PCGF3: variants seen among roughly 807,000 people sequenced by gnomAD.
PCGF3 encodes the protein polycomb group ring finger 3.
PCGF3 carries 7 observed loss-of-function variants against 33.1 expected under a neutral mutation model. That is an observed-to-expected ratio of 0.21 (90% CI 0.12 to 0.40). PCGF3 has a LOEUF of 0.40. Among genes scored for constraint, PCGF3 ranks in the 10% least tolerant of loss-of-function variants. PCGF3 has a pLI of 1.00. For synonymous variants in PCGF3, 153 were observed against 121.3 expected, an observed-to-expected ratio of 1.26 and a Z score of -1.72; for missense variants, 211 against 313.3, an observed-to-expected ratio of 0.67 and a Z score of 2.46.
intron 6 of PCGF3, among the ~76,000 whole-genome samples, chr4:740,533 G>C (rs1402039125): frequency 6.6e-6 from 1 of 151,994 alleles, no homozygotes; most frequent in African/African-American, 2.4e-5. Flanking sequence ...TGAGGGCTGT[G>C]GGGCTCACGC....
At chr4:760,084 C>T (rs112290409) in intron 8 of PCGF3, among the ~76,000 whole-genome samples, 101 of 152,330 alleles carry the variant, frequency 6.6e-4, no homozygotes, top group Non-Finnish European at 1.2e-3. Flanking sequence ...GCTTTTTGCA[C>T]AGAATCCACT....
chr4:715,355 CTTGTAGACA>C (rs1742770401), intron 1 of PCGF3, among the ~76,000 whole-genome samples: 1 of 136,402 alleles, frequency 7.3e-6, no homozygotes, highest in Non-Finnish European at 1.6e-5. Flanking sequence ...GTGCTGGGAC[CTTGTAGACA>C]CTGTGAGTGT....
At chr4:728,555 T>G (rs1743423916) in intron 1 of PCGF3, among the ~76,000 whole-genome samples, 1 of 152,226 alleles carries the variant, frequency 6.6e-6, no homozygotes, top group African/African-American at 2.4e-5. Context: ...ACCTGTGGAT[T>G]TTGGTATCAG....
At chr4:733,744 G>T in exon 4 of PCGF3, 1 of 1,613,004 alleles carries the variant, frequency 6.2e-7, no homozygotes, top group Non-Finnish European at 8.5e-7. Flanking sequence ...CCTGTGCAGC[G>T]GGTACCTCAT....
exon 11 of PCGF3, chr4:766,308 G>T: frequency 2.1e-6 from 1 of 479,674 alleles, no homozygotes. Context: ...CCTCTCCCCC[G>T]CCCCACCCCG....
At chr4:756,104 G>A (rs940446200) in intron 8 of PCGF3, among the ~76,000 whole-genome samples, 3 of 151,590 alleles carry the variant, frequency 2.0e-5, no homozygotes, top group Admixed American at 6.6e-5. Context: ...TAGTAGAGAC[G>A]GGGTTTCTCC....
rs977596625 is a variant in PCGF3 at position 733,889 on chromosome 4, G to T, written c.109+100G>T. On this transcript the variant is annotated intron_variant, in intron 4 of 10. Transcript: ENST00000362003. ...GTGTTACCACACGCTTTTAGCTCAA[G>T]CCCGACAAAAGCAGGAACCAGGACC... is the stretch of plus-strand genomic sequence containing the variant. The T allele has an allele frequency of 2.5e-6, 4 of 1,596,596 alleles. No individual in the cohort carries two copies. The Admixed American group carries it at 7.1e-5, about 28-fold the overall frequency.
intron 1 of PCGF3, among the ~76,000 whole-genome samples, chr4:713,661 G>A (rs1036969892): frequency 6.6e-6 from 1 of 152,172 alleles, no homozygotes. Flanking sequence ...TGATCAGGGC[G>A]TGGCCCGTAT....
At chr4:754,572 C>G (rs184764763) in intron 8 of PCGF3, among the ~76,000 whole-genome samples, 1 of 152,180 alleles carries the variant, frequency 6.6e-6, no homozygotes, top group Non-Finnish European at 1.5e-5. Flanking sequence ...GGACCTGGTG[C>G]CAGGCTGCCC....
intron 1 of PCGF3, 76 bp from the exon 2 acceptor site, chr4:730,554 G>C (rs1171859670): frequency 6.5e-6 from 1 of 154,430 alleles, no homozygotes; most frequent in South Asian, 2.1e-4. Context: ...AACCGAGCCA[G>C]GCTTGGCACC....
At chr4:734,804 A>G in intron 4 of PCGF3, 127 bp from the exon 5 acceptor site, 1 of 1,418,932 alleles carries the variant, frequency 7.0e-7, no homozygotes, top group Non-Finnish European at 9.3e-7. Context: ...TGAGAGCCAC[A>G]AGGAGGACAG....
rs1743097063 is a variant in PCGF3, at chr4:721,970, G to T, written c.-189-8660G>T. ...GGGTGTGGGGAGAGGCCTGTGGGAG[G>T]TGGATGGGTTGGGTGGCTCTGTGTG... On this transcript the variant is annotated intron_variant, in intron 1 of 10. Coordinates refer to ENST00000362003, the Ensembl canonical transcript of PCGF3. The surrounding 1 kb of genome is among the most constrained non-coding windows in gnomAD (Gnocchi z 4.1). Among the ~76,000 whole-genome samples the T allele has an allele frequency of 6.6e-6, 1 of 151,972 alleles. No homozygotes were observed. Among genetic ancestry groups the T allele is most frequent in the Non-Finnish European group, 1.5e-5 (1 of 67,978 alleles).
In PCGF3 at chr4:761,284, C is replaced by T. The variant is rs35251658; in HGVS notation, c.468C>T (p.Ser156=). The T allele has an allele frequency of 6.9e-3, 10,872 of 1,584,528 alleles. 52 individuals carry two copies. Among genetic ancestry groups the T allele is most frequent in the Non-Finnish European group, 8.4e-3 (9,719 of 1,160,838 alleles). Residue 156 remains serine, a synonymous_variant, in exon 9 of 11, where the codon AGC becomes AGT. Coordinates refer to ENST00000362003, the Ensembl canonical transcript of PCGF3. ...ACCAGCGTCCTTTCCCGCAGGTGAG[C>T]ATCTGCCTGGAGTGTAACAGCAGCA...
At chr4:738,424 G>C (rs1189873328) in intron 6 of PCGF3, among the ~76,000 whole-genome samples, 1 of 152,190 alleles carries the variant, frequency 6.6e-6, no homozygotes, top group Non-Finnish European at 1.5e-5. Flanking sequence ...CCTGAGAAAA[G>C]GCAAAGGATA....
At position 764,776 on chromosome 4, in the gene PCGF3, C is replaced by A. The variant is rs563296025; in HGVS notation, c.601-208C>A. 3.3e-5 allele frequency: 18 copies of A among 538,342 alleles called. No homozygotes were observed. The South Asian group carries it at 3.7e-4, about 11-fold the overall frequency. The allele number at this position is 538,342 out of a possible 1,614,324, so 33.3% of individuals were successfully genotyped here. ...TATCTTATATGTTGCACTGGATTTC[C>A]GTTCAGCTGTGAGGTAGGGACCACA... On this transcript the variant is annotated intron_variant, in intron 9 of 10. Transcript: ENST00000362003.
chr4:729,514 G>A (rs953665616), intron 1 of PCGF3, among the ~76,000 whole-genome samples: 2 of 152,234 alleles, frequency 1.3e-5, no homozygotes, highest in Admixed American at 1.3e-4. Flanking sequence ...CAGCTGTGCT[G>A]TTGGGTAGTG....
Position 768,921 on chromosome 4 carries a change from C to A in PCGF3, c.*2842C>A, listed in dbSNP as rs185266110. 123 of 152,732 alleles carry A rather than the reference C, an allele frequency of 8.1e-4. 1 individual carries two copies. The highest frequency in any genetic ancestry group is 5.8e-3 in the East Asian group (30 of 5,190). 9.5% of individuals were successfully genotyped at this position (152,732 alleles called of 1,614,324 possible). On this transcript the variant is annotated 3_prime_UTR_variant, in exon 11 of 11. Transcript: ENST00000362003. ...TAGGTTCCAATATGCATTTATTAGA[C>A]ATCTGTTTAAATGGTAATGTAGCAT...
In PCGF3 at chr4:721,572, G is replaced by T. The variant is rs1333126437; in HGVS notation, c.-189-9058G>T. 6.6e-6 allele frequency among the ~76,000 whole-genome samples: 1 copy of T among 152,074 alleles called. No homozygotes were observed. The highest frequency in any genetic ancestry group is 1.9e-4 in the East Asian group (1 of 5,174). ...CGAGGGCAGAGTGCACTCGCTGGGG[G>T]TCACCCTGCCCCCCAGGACTCCTTT... is the stretch of plus-strand genomic sequence containing the variant. On this transcript the variant is annotated intron_variant, in intron 1 of 10. Transcript: ENST00000362003. This position sits in a 1 kb window ranked among gnomAD's most constrained non-coding sequence, Gnocchi z 4.1.
At chr4:713,553 C>T (rs1742676279) in intron 1 of PCGF3, among the ~76,000 whole-genome samples, 1 of 151,114 alleles carries the variant, frequency 6.6e-6, no homozygotes, top group Admixed American at 6.6e-5. Context: ...CTCGTCAGGG[C>T]TGTGGCCTCA....
Sources: allele counts gnomAD v4.1 joint callset (sites outside exome capture counted in the v4.1 genomes callset), GRCh38; gene constraint gnomAD v4.1.1; non-coding constraint Gnocchi (gnomAD v3.1); transcripts MANE v1.5; gene names NCBI Gene and HGNC (gene_info 2026-07-23, HGNC 2026-07-21).